ANAPC1: variants seen among roughly 807,000 people sequenced by gnomAD.
ANAPC1 encodes anaphase promoting complex subunit 1, also known as anaphase-promoting complex subunit 1.
ANAPC1 carries 36 observed loss-of-function variants against 208.0 expected under a neutral mutation model. That is an observed-to-expected ratio of 0.17 (90% CI 0.13 to 0.23). ANAPC1 has a LOEUF of 0.23. ANAPC1 is among the 10% of genes least tolerant of loss of function. The pLI is 1.00. For missense variants in ANAPC1, 942 were observed against 2,011.6 expected, an observed-to-expected ratio of 0.47 and a Z score of 10.17; for synonymous variants, 378 against 695.2, an observed-to-expected ratio of 0.54 and a Z score of 7.18.
intron 45 of ANAPC1, among the ~76,000 whole-genome samples, chr2:111,777,771 T>C (rs1677067828): frequency 6.6e-6 from 1 of 152,242 alleles, no homozygotes; most frequent in Non-Finnish European, 1.5e-5. Flanking sequence ...CTGTGTGTTT[T>C]CTGGTTTGGG....
rs763778819 is a variant in ANAPC1 at position 111,831,397 on chromosome 2, C to T, written c.2514G>A (p.Thr838=). 33 of 1,610,524 alleles carry T rather than the reference C, an allele frequency of 2.0e-5. No homozygotes were observed. Among genetic ancestry groups the T allele is most frequent in the Admixed American group, 1.8e-4 (11 of 59,822 alleles). ...ACTGATAAATACTTGGTGGCTCAGA[C>T]GTAAAAAATGATGGATGATGCATAA... is the stretch of plus-strand genomic sequence containing the variant. ...TGFMHHPSFF[T]SEPPSIYQWV... is the part of the protein sequence containing the mutation. Residue 838 remains threonine (T), a synonymous_variant, in exon 21 of 48, where the codon ACG becomes ACA. Coordinates refer to ENST00000341068, the MANE Select transcript of ANAPC1 (RefSeq NM_022662.4).
chr2:111,867,633 A>G (rs1443610376), intron 7 of ANAPC1, among the ~76,000 whole-genome samples: 4 of 151,912 alleles, frequency 2.6e-5, no homozygotes, highest in African/African-American at 7.2e-5. Context: ...CAGAGGTTAC[A>G]GTGAACTGAG....
chr2:111,872,336 T>C (rs530198854), intron 6 of ANAPC1, among the ~76,000 whole-genome samples: 3 of 152,290 alleles, frequency 2.0e-5, no homozygotes, highest in Non-Finnish European at 2.9e-5. Context: ...ACCCACTTGA[T>C]CATGACATAT....
intron 24 of ANAPC1, 59 bp downstream of exon 24, chr2:111,824,907 A>T: frequency 6.3e-7 from 1 of 1,591,288 alleles, no homozygotes; most frequent in Non-Finnish European, 8.6e-7. Context: ...CATGCCTTCC[A>T]CTTCTAGCTA....
Position 111,847,804 on chromosome 2 carries a change from T to G in ANAPC1, c.1712A>C (p.Tyr571Ser), listed in dbSNP as rs773207491. Reference protein sequence around the residue: ...RDSSKLHDSLYNEDCTFQQLG... With the variant: ...RDSSKLHDSLSNEDCTFQQLG... ...CTGTTGGAAAGTACAATCCTCATTA[T>G]AGAGAGAATCATGAAGTTTTGAAGA... The change falls in exon 15 of 48, where the codon TAT becomes TCT. Residue 571 changes from tyrosine to serine, a missense_variant. Transcript: ENST00000341068. 62 of 1,605,884 alleles carry G rather than the reference T, an allele frequency of 3.9e-5. No individual in the cohort carries two copies. The Middle Eastern group carries it at 1.8e-3, about 47-fold the overall frequency.
At chr2:111,873,281 C>T in intron 5 of ANAPC1, 27 bp downstream of exon 5, 4 of 1,573,410 alleles carry the variant, frequency 2.5e-6, no homozygotes, top group East Asian at 2.3e-5. Context: ...CAACAAAACC[C>T]CCCCAAAATT....
At chr2:111,788,405 G>A (rs1481409782) in intron 38 of ANAPC1, 85 bp from the exon 39 acceptor site, 11 of 1,546,592 alleles carry the variant, frequency 7.1e-6, no homozygotes, top group Admixed American at 3.8e-5. Context: ...GGAAACTGGT[G>A]TATAATAGTA....
chr2:111,825,142 T>G lies in ANAPC1; in HGVS notation c.2730A>C (p.Gln910His). The change falls in exon 23 of 48, where the codon CAA becomes CAC. Residue 910 changes from glutamine to histidine, a missense_variant. Transcript: ENST00000341068. ...TIAPQKLQVE[Q>H]EENRFSFRHS... ...TAAATAAAAGTCACCTGTTTTCCTC[T>G]TGTTCTACTTGCAACTTCTGGGGGG... 6.2e-7 allele frequency: 1 copy of G among 1,613,894 alleles called. No individual in the cohort carries two copies. Among genetic ancestry groups the G allele is most frequent in the Non-Finnish European group, 8.5e-7 (1 of 1,179,856 alleles).
intron 34 of ANAPC1, among the ~76,000 whole-genome samples, chr2:111,799,237 AAAC>A (rs1229154827): frequency 3.9e-4 from 60 of 152,192 alleles, no homozygotes; most frequent in African/African-American, 1.4e-3. Flanking sequence ...ATGCAAATTT[AAAC>A]AACAGTCAGA....
At chr2:111,840,674 T>C (rs1344719401) in intron 17 of ANAPC1, among the ~76,000 whole-genome samples, 1 of 152,198 alleles carries the variant, frequency 6.6e-6, no homozygotes, top group African/African-American at 2.4e-5. Flanking sequence ...CCAGTTTCTA[T>C]GAGGCTTAAT....
chr2:111,831,558 A>G, intron 20 of ANAPC1, 124 bp from the exon 21 acceptor site: 1 of 901,546 alleles, frequency 1.1e-6, no homozygotes, highest in Non-Finnish European at 1.7e-6. Context: ...ATATTTTTCC[A>G]GCTGGGTGCA....
chr2:111,788,347 A>T (rs746750839), intron 38 of ANAPC1, 27 bp from the exon 39 acceptor site: 23 of 1,612,376 alleles, frequency 1.4e-5, no homozygotes, highest in Non-Finnish European at 2.0e-5. Context: ...GTGGGGACAG[A>T]TGTTATTGAT....
chr2:111,783,176 T>C (rs1677373883), intron 42 of ANAPC1, among the ~76,000 whole-genome samples: 1 of 152,204 alleles, frequency 6.6e-6, no homozygotes, highest in Admixed American at 6.5e-5. Context: ...AGATGTGGTC[T>C]GATAAACACT....
chr2:111,821,879 G>C (rs969022949), intron 25 of ANAPC1: 1 of 234,008 alleles, frequency 4.3e-6, no homozygotes, highest in African/African-American at 2.3e-5. Context: ...TATTTCGGGA[G>C]GGATAGCTTA....
chr2:111,853,776 G>C (rs1681542634), intron 13 of ANAPC1, among the ~76,000 whole-genome samples: 1 of 152,000 alleles, frequency 6.6e-6, no homozygotes, highest in African/African-American at 2.4e-5. Context: ...GAGTGCAGTG[G>C]CGTAATCTCG....
At chr2:111,866,843 CTCTAGT>C (rs1462859280) in intron 7 of ANAPC1, among the ~76,000 whole-genome samples, 2 of 147,938 alleles carry the variant, frequency 1.4e-5, no homozygotes, top group Non-Finnish European at 3.0e-5. Context: ...TAATCCCAGG[CTCTAGT>C]ATGTTTATTC....
intron 21 of ANAPC1, among the ~76,000 whole-genome samples, chr2:111,827,832 T>G (rs1467209461): frequency 6.6e-6 from 1 of 152,110 alleles, no homozygotes; most frequent in Non-Finnish European, 1.5e-5. Context: ...AACAAGGGCT[T>G]CTGTTGATAT....
chr2:111,857,755 T>C (rs1681813361), intron 11 of ANAPC1, among the ~76,000 whole-genome samples: 4 of 152,332 alleles, frequency 2.6e-5, no homozygotes, highest in South Asian at 2.1e-4. Context: ...CAAATGTTCA[T>C]ATGGTCATAA....
At chr2:111,793,256 A>G (rs1677987756) in intron 37 of ANAPC1, among the ~76,000 whole-genome samples, 1 of 151,724 alleles carries the variant, frequency 6.6e-6, no homozygotes, top group African/African-American at 2.4e-5. Flanking sequence ...TTTTTTTTGG[A>G]GACAGGGTCT....
Sources: allele counts gnomAD v4.1 joint callset (sites outside exome capture counted in the v4.1 genomes callset), GRCh38; gene constraint gnomAD v4.1.1; transcripts MANE v1.5; gene names NCBI Gene and HGNC (gene_info 2026-07-23, HGNC 2026-07-21).